The following SNTG1 variants were observed in gnomAD, a reference collection of about 807,000 sequenced individuals.
SNTG1 encodes the protein gamma-1-syntrophin.
SNTG1 carries 39 observed loss-of-function variants against 74.7 expected under a neutral mutation model. The observed-to-expected ratio is 0.52, with a 90% CI of 0.40 to 0.68. SNTG1 has a LOEUF of 0.68. SNTG1 is among the 30% of genes least tolerant of loss of function. SNTG1 has a pLI of 0.00. For missense variants in SNTG1, 685 were observed against 609.5 expected (o/e 1.12, Z -1.30); for synonymous variants, 254 against 217.1 (o/e 1.17, Z -1.49).
chr8:50,488,649 A>T (rs1482860643), intron 8 of SNTG1, among the ~76,000 whole-genome samples: 1 of 152,170 alleles, frequency 6.6e-6, no homozygotes, highest in Non-Finnish European at 1.5e-5. Flanking sequence ...CTGCCCCTTG[A>T]AAATGAGCAC....
rs2095380671 is a variant in SNTG1, at chr8:50,691,738, C to A, written c.1039-12862C>A. ...GAAAATTGTGTGTCTTGGAGTTGCTCTTCTTAAGGAGTATCTTTGTTACAT... is the reference window on the plus strand; with the variant it reads ...GAAAATTGTGTGTCTTGGAGTTGCTATTCTTAAGGAGTATCTTTGTTACAT... On this transcript the variant is annotated intron_variant, in intron 15 of 18. Transcript: ENST00000642720. Among the ~76,000 whole-genome samples the A allele has an allele frequency of 2.6e-5, 4 of 152,196 alleles. No homozygotes were observed. In the South Asian group the frequency reaches 6.2e-4, roughly 24 times the overall value.
At chr8:50,017,665 A>C (rs1816452633) in intron 1 of SNTG1, among the ~76,000 whole-genome samples, 1 of 148,646 alleles carries the variant, frequency 6.7e-6, no homozygotes, top group African/African-American at 2.4e-5. Context: ...TATAAGAGTC[A>C]AAAAAAGCAT....
intron 1 of SNTG1, among the ~76,000 whole-genome samples, chr8:50,090,857 G>T (rs1422099145): frequency 1.3e-5 from 2 of 152,102 alleles, no homozygotes; most frequent in South Asian, 2.1e-4. Context: ...GGTAGGAAAA[G>T]AAATAGAAGA....
intron 9 of SNTG1, among the ~76,000 whole-genome samples, chr8:50,509,313 G>A (rs1338339953): frequency 6.6e-6 from 1 of 152,104 alleles, no homozygotes; most frequent in African/African-American, 2.4e-5. Flanking sequence ...ATGCTGTTTT[G>A]GTTACTGTAG....
Position 50,395,506 on chromosome 8 carries a change from G to GGTTTTTTTTTTTTTTTTTTTTTTTT in SNTG1, c.27+1241_27+1242insGTTTTTTTTTTTTTTTTTTTTTTTT, listed in dbSNP as rs58030144. ...TTTAAATTTTAATTGTCTAATTTCT[G>GGTTTTTTTTTTTTTTTTTTTTTTTT]TTTTTTTTTTTTTTTTTAATGGAGT... On this transcript the variant is annotated intron_variant, in intron 3 of 18. Transcript: ENST00000642720. Among the ~76,000 whole-genome samples the GGTTTTTTTTTTTTTTTTTTTTTTTT allele has an allele frequency of 2.2e-5, 3 of 135,656 alleles. 1 individual carries two copies. Among genetic ancestry groups the GGTTTTTTTTTTTTTTTTTTTTTTTT allele is most frequent in the Non-Finnish European group, 3.1e-5 (2 of 64,850 alleles). The allele number at this position is 135,656 out of a possible 152,430, so 89.0% of individuals were successfully genotyped here. A position where few individuals can be genotyped will look rare whatever the true frequency, so the allele number is the denominator to read the frequency against.
chr8:50,257,202 C>G (rs1351560432), intron 2 of SNTG1, among the ~76,000 whole-genome samples: 27 of 152,126 alleles, frequency 1.8e-4, no homozygotes. Flanking sequence ...ACTGAACATA[C>G]ACTCGTTAAG....
intron 18 of SNTG1, among the ~76,000 whole-genome samples, chr8:50,760,750 T>G (rs1393096448): frequency 1.3e-5 from 2 of 151,876 alleles, no homozygotes; most frequent in Non-Finnish European, 2.9e-5. Context: ...AACACCTCTA[T>G]GCAAATAAAA....
chr8:50,453,493 G>T (rs764936638), intron 8 of SNTG1, among the ~76,000 whole-genome samples: 29 of 152,134 alleles, frequency 1.9e-4, no homozygotes, highest in Non-Finnish European at 3.4e-4. Context: ...ATGCAGCATG[G>T]TGCACACATA....
At chr8:49,984,211 T>G (rs529644200) in intron 1 of SNTG1, among the ~76,000 whole-genome samples, 5 of 148,712 alleles carry the variant, frequency 3.4e-5, no homozygotes, top group African/African-American at 5.1e-5. Flanking sequence ...TATTTATTTA[T>G]TTTTTTTTGG....
At chr8:50,128,368 C>G (rs2081211526) in intron 1 of SNTG1, among the ~76,000 whole-genome samples, 1 of 152,068 alleles carries the variant, frequency 6.6e-6, no homozygotes, top group Non-Finnish European at 1.5e-5. Context: ...TTGTCTTTAG[C>G]TAGACAGAGC....
intron 1 of SNTG1, among the ~76,000 whole-genome samples, chr8:50,141,072 T>G (rs1202420823): frequency 6.6e-6 from 1 of 152,244 alleles, no homozygotes; most frequent in Non-Finnish European, 1.5e-5. Context: ...CATGAAAATG[T>G]GTTTCTTCAG....
chr8:50,224,225 GATATAAATTCT>G (rs1226827802), intron 2 of SNTG1, among the ~76,000 whole-genome samples: 1 of 152,118 alleles, frequency 6.6e-6, no homozygotes, highest in Non-Finnish European at 1.5e-5. Flanking sequence ...CTATGCTAAA[GATATAAATTCT>G]GCTTACATTG....
intron 8 of SNTG1, among the ~76,000 whole-genome samples, chr8:50,472,634 C>A (rs2093662331): frequency 6.6e-6 from 1 of 151,936 alleles, no homozygotes; most frequent in Non-Finnish European, 1.5e-5. Flanking sequence ...GATGGAACAC[C>A]AAATCACAGG....
intron 2 of SNTG1, among the ~76,000 whole-genome samples, chr8:50,389,475 T>C (rs950798303): frequency 2.0e-5 from 3 of 152,232 alleles, no homozygotes; most frequent in Admixed American, 1.3e-4. Flanking sequence ...CCCCTTCCTG[T>C]GTCCAAGTGT....
intron 2 of SNTG1, among the ~76,000 whole-genome samples, chr8:50,279,963 A>T (rs532262516): frequency 6.6e-6 from 1 of 152,302 alleles, no homozygotes; most frequent in Non-Finnish European, 1.5e-5. Flanking sequence ...TTACAAATGG[A>T]TATTTCCTTA....
At chr8:50,678,968 A>G (rs1394653880) in intron 15 of SNTG1, among the ~76,000 whole-genome samples, 1 of 152,090 alleles carries the variant, frequency 6.6e-6, no homozygotes, top group Non-Finnish European at 1.5e-5. Flanking sequence ...GTGTTTTATC[A>G]TTGTGTCTTG....
At chr8:50,551,772 C>T (rs2094428335) in intron 11 of SNTG1, among the ~76,000 whole-genome samples, 1 of 152,048 alleles carries the variant, frequency 6.6e-6, no homozygotes, top group Non-Finnish European at 1.5e-5. Context: ...CAAAAGAAAA[C>T]AAAAGAGCAT....
intron 1 of SNTG1, among the ~76,000 whole-genome samples, chr8:49,976,018 T>C (rs1812161167): frequency 6.6e-6 from 1 of 152,156 alleles, no homozygotes; most frequent in Non-Finnish European, 1.5e-5. Context: ...CTTATTTTTA[T>C]TTCAAAAACT....
chr8:49,967,037 A>G (rs529927227), intron 1 of SNTG1, among the ~76,000 whole-genome samples: 1 of 152,188 alleles, frequency 6.6e-6, no homozygotes. Context: ...AGAGCACTCT[A>G]TTAGAAAAAA....
Sources: gnomAD v4.1 joint callset for allele counts (sites outside exome capture counted in the v4.1 genomes callset) on GRCh38, gnomAD v4.1.1 for gene constraint, MANE v1.5 for transcripts, NCBI Gene and HGNC (gene_info 2026-07-23, HGNC 2026-07-21) for gene names.